COL17A1: variants seen among roughly 807,000 people sequenced by gnomAD.
COL17A1 encodes the protein collagen alpha-1(XVII) chain.
In COL17A1, 181 loss-of-function variants were observed where a neutral mutation model predicts 218.4. The ratio of observed to expected loss-of-function variants is 0.83; its 90% CI spans 0.73 to 0.94. The LOEUF is 0.94. Ranked by LOEUF, COL17A1 falls within the 40% of genes least tolerant of loss-of-function variation. The pLI is 0.00. For synonymous variants in COL17A1, 721 were observed against 731.0 expected (o/e 0.99, Z 0.22); for missense variants, 1,924 against 1,945.9 (o/e 0.99, Z 0.21).
intron 47 of COL17A1, 147 bp from the exon 48 acceptor site, chr10:104,036,779 G>A: frequency 9.7e-7 from 1 of 1,032,428 alleles, no homozygotes; most frequent in Non-Finnish European, 1.4e-6. Context: ...GTGTTCAGGG[G>A]GGACACCAGC....
At chr10:104,058,108 T>C (rs2086548417) in intron 16 of COL17A1, 38 bp downstream of exon 16, 1 of 1,613,650 alleles carries the variant, frequency 6.2e-7, no homozygotes, top group African/African-American at 1.3e-5. Context: ...GCAGCCCCAC[T>C]GGATCCTGTC....
intron 6 of COL17A1, chr10:104,073,890 A>G (rs1478850580): frequency 2.6e-6 from 1 of 389,588 alleles, no homozygotes; most frequent in Non-Finnish European, 4.8e-6. Flanking sequence ...AAGAATCCCT[A>G]CAATTATTGC....
chr10:104,037,925 G>A (rs1036979913), intron 45 of COL17A1, 152 bp from the exon 46 acceptor site: 4 of 837,078 alleles, frequency 4.8e-6, no homozygotes, highest in Admixed American at 5.8e-5. Context: ...TCCCCTCACT[G>A]TCCTTCCCCT....
At chr10:104,050,727 T>C in intron 26 of COL17A1, 71 bp from the exon 27 acceptor site, 2 of 1,614,094 alleles carry the variant, frequency 1.2e-6, no homozygotes. Context: ...AATGTCTGTC[T>C]CTGAAGACAG....
intron 19 of COL17A1, 120 bp from the exon 20 acceptor site, chr10:104,055,127 C>T (rs571640007): frequency 1.6e-5 from 24 of 1,541,826 alleles, no homozygotes; most frequent in African/African-American, 2.7e-5. Flanking sequence ...AGGCGACATG[C>T]GGCGAGTCCC....
Position 104,047,184 on chromosome 10 carries a change from G to A in COL17A1, c.2336-411C>T, listed in dbSNP as rs978205084. Reference sequence around the variant, plus strand: ...AGAGGCCCCCGATGAATGCCCACCCGCCTTGACCACACAGCTTTCTTGGCT... The same window carrying A: ...AGAGGCCCCCGATGAATGCCCACCCACCTTGACCACACAGCTTTCTTGGCT... On this transcript the variant is annotated intron_variant, in intron 31 of 55. Transcript: ENST00000648076. Among the ~76,000 whole-genome samples the A allele has an allele frequency of 1.6e-4, 25 of 152,048 alleles. 1 individual carries two copies. Among genetic ancestry groups the A allele is most frequent in the Admixed American group, 1.2e-3 (18 of 15,270 alleles).
Position 104,078,232 on chromosome 10 carries a change from T to C in COL17A1, c.97+310A>G, listed in dbSNP as rs144968104. Among the ~76,000 whole-genome samples the C allele has an allele frequency of 1.2e-3, 178 of 152,204 alleles. 1 individual carries two copies. The highest frequency in any genetic ancestry group is 4.2e-3 in the African/African-American group (174 of 41,526). ...TAGGCAAATCTACAGAGACAGTAGA[T>C]TTGTGGTTTCCAGGGGCTGAGGAGA... On this transcript the variant is annotated intron_variant, in intron 3 of 55. Coordinates refer to ENST00000648076, the MANE Select transcript of COL17A1 (RefSeq NM_000494.4).
At chr10:104,036,082 GTA>G (rs2086289586) in intron 48 of COL17A1, among the ~76,000 whole-genome samples, 2 of 122,318 alleles carry the variant, frequency 1.6e-5, no homozygotes, top group African/African-American at 3.1e-5. Context: ...ATGGGAGTGT[GTA>G]TGGGAGTGTG....
intron 32 of COL17A1, among the ~76,000 whole-genome samples, chr10:104,046,516 G>A (rs548615054): frequency 6.6e-6 from 1 of 152,314 alleles, no homozygotes; most frequent in African/African-American, 2.4e-5. Flanking sequence ...GGCACAGGCA[G>A]ACAGAATTGA....
At chr10:104,039,212 A>G (rs1033595880) in intron 43 of COL17A1, 91 bp from the exon 44 acceptor site, 1 of 1,335,648 alleles carries the variant, frequency 7.5e-7, no homozygotes, top group South Asian at 1.2e-5. Flanking sequence ...TGTCTCAACA[A>G]TCGTCCCATG....
intron 11 of COL17A1, among the ~76,000 whole-genome samples, chr10:104,063,143 GT>G (rs1382877329): frequency 1.9e-4 from 29 of 152,170 alleles, no homozygotes; most frequent in African/African-American, 6.8e-4. Context: ...ACATCATTAT[GT>G]TTATTAGTCA....
chr10:104,082,229 AG>A (rs897017096), intron 1 of COL17A1, among the ~76,000 whole-genome samples: 30 of 152,362 alleles, frequency 2.0e-4, no homozygotes, highest in African/African-American at 7.0e-4. Context: ...TGGAGCCCAG[AG>A]GAGGGGCTTC....
intron 9 of COL17A1, among the ~76,000 whole-genome samples, chr10:104,070,034 T>C (rs1249273157): frequency 6.6e-6 from 1 of 151,884 alleles, no homozygotes; most frequent in Non-Finnish European, 1.5e-5. Flanking sequence ...TCATTAGGGG[T>C]GGATATGGTT....
In COL17A1 at chr10:104,043,555, C is replaced by G. The variant is rs1318904332; in HGVS notation, c.2461G>C (p.Gly821Arg). The G allele has an allele frequency of 6.2e-7, 1 of 1,613,860 alleles. No individual in the cohort carries two copies. The highest frequency in any genetic ancestry group is 1.3e-5 in the African/African-American group (1 of 74,878). ...ATGGCTCCAGGAGGTCCTGGGGGGCCTGGGACAGTGAGCATCGATGACCCC... is the reference window on the plus strand; with the variant it reads ...ATGGCTCCAGGAGGTCCTGGGGGGCGTGGGACAGTGAGCATCGATGACCCC... ...SEGSSMLTVPGPPGPPGAMGP... is the reference protein window; with the variant it reads ...SEGSSMLTVPRPPGPPGAMGP... Residue 821 changes from glycine to arginine, a missense_variant, in exon 35 of 56, where the codon GGC (glycine) becomes CGC (arginine). Coordinates refer to ENST00000648076, the MANE Select transcript of COL17A1 (RefSeq NM_000494.4).
intron 32 of COL17A1, 67 bp from the exon 33 acceptor site, chr10:104,045,860 C>A: frequency 1.6e-6 from 2 of 1,287,484 alleles, no homozygotes; most frequent in South Asian, 2.4e-5. Flanking sequence ...CTTGGGTGGT[C>A]ACTAGTGCTC....
intron 30 of COL17A1, 37 bp downstream of exon 30, chr10:104,048,032 C>A: frequency 6.2e-7 from 1 of 1,613,684 alleles, no homozygotes; most frequent in South Asian, 1.1e-5. Context: ...GGGGCTGTGA[C>A]GGGAGTGAGG....
At position 104,071,164 on chromosome 10, in the gene COL17A1, CATGCATGGGGAGTGCATGAGAGG is replaced by C. The variant is rs1247372946; in HGVS notation, c.464-618_464-596del. ...GGGAAGCAGGAGAGGTGGGAGGCAC[CATGCATGGGGAGTGCATGAGAGG>C]ATGCATGGGGAGTGCATGAGAGGAG... On this transcript the variant is annotated intron_variant, in intron 8 of 55. Transcript: ENST00000648076. Among the ~76,000 whole-genome samples, 6 of 152,116 alleles carry C rather than the reference CATGCATGGGGAGTGCATGAGAGG, an allele frequency of 3.9e-5. No individual in the cohort carries two copies. In the East Asian group the frequency reaches 7.7e-4, roughly 20 times the overall value.
chr10:104,051,961 C>T (rs184003991), intron 24 of COL17A1, among the ~76,000 whole-genome samples, 194 bp downstream of exon 24: 3 of 152,298 alleles, frequency 2.0e-5, no homozygotes, highest in Admixed American at 2.0e-4. Flanking sequence ...TGGGGCTAAA[C>T]TTACAGCCCT....
intron 3 of COL17A1, 73 bp from the exon 4 acceptor site, chr10:104,077,599 T>A: frequency 7.9e-7 from 1 of 1,266,748 alleles, no homozygotes. Flanking sequence ...CCCCACCCTG[T>A]GGAAGGCTTC....
Sources: gnomAD v4.1 joint callset for allele counts (sites outside exome capture counted in the v4.1 genomes callset) on GRCh38, gnomAD v4.1.1 for gene constraint, MANE v1.5 for transcripts, NCBI Gene and HGNC (gene_info 2026-07-23, HGNC 2026-07-21) for gene names.